Variants in FRMD5 observed in about 807,000 individuals in gnomAD.
The protein encoded by FRMD5 is FERM domain-containing protein 5.
In FRMD5, 20 loss-of-function variants were observed where a neutral mutation model predicts 69.0. The ratio of observed to expected loss-of-function variants is 0.29; its 90% CI spans 0.20 to 0.42. The LOEUF (loss-of-function observed/expected upper bound fraction) is 0.42. Ranked by LOEUF, FRMD5 falls within the 10% of genes least tolerant of loss-of-function variation. The pLI, the probability that FRMD5 is intolerant of heterozygous loss-of-function variation, is 1.00. For synonymous variants in FRMD5, 271 were observed against 260.1 expected (o/e 1.04, Z -0.40); for missense variants, 595 against 708.6 (o/e 0.84, Z 1.82).
chr15:43,982,314 G>A (rs2090560688), intron 1 of FRMD5, among the ~76,000 whole-genome samples: 2 of 152,338 alleles, frequency 1.3e-5, no homozygotes, highest in Admixed American at 1.3e-4. Flanking sequence ...TTAAAAGGCA[G>A]TCCTTTACTA....
intron 1 of FRMD5, among the ~76,000 whole-genome samples, chr15:43,997,482 C>T (rs1194745002): frequency 6.6e-6 from 1 of 152,168 alleles, no homozygotes; most frequent in Non-Finnish European, 1.5e-5. Context: ...CATCTCATTC[C>T]CTTCAGGGTG....
upstream of FRMD5, among the ~76,000 whole-genome samples, chr15:44,195,862 T>A (rs2078286770): frequency 6.6e-6 from 1 of 151,200 alleles, no homozygotes; most frequent in Non-Finnish European, 1.5e-5. Flanking sequence ...CCAGGTTTAA[T>A]CCCCTAAAAA....
intron 1 of FRMD5, among the ~76,000 whole-genome samples, chr15:44,046,177 T>C (rs1277011739): frequency 6.6e-6 from 1 of 152,154 alleles, no homozygotes; most frequent in African/African-American, 2.4e-5. Context: ...GATGGAGTGA[T>C]GTCGTAGTCT....
At chr15:43,951,421 C>CAA (rs11375060) in intron 1 of FRMD5, among the ~76,000 whole-genome samples, 42 of 102,656 alleles carry the variant, frequency 4.1e-4, no homozygotes, top group African/African-American at 9.8e-4. Context: ...GACTCCATCT[C>CAA]AAAAAAAAAA....
At chr15:44,030,620 TCCCTAGTTAAA>T (rs1186056850) in intron 1 of FRMD5, among the ~76,000 whole-genome samples, 3 of 152,132 alleles carry the variant, frequency 2.0e-5, no homozygotes, top group African/African-American at 7.2e-5. Context: ...TTTCTGAGTC[TCCCTAGTTAAA>T]CACTATAATC....
At chr15:44,000,572 G>T (rs1488185401) in intron 1 of FRMD5, among the ~76,000 whole-genome samples, 3 of 151,222 alleles carry the variant, frequency 2.0e-5, no homozygotes, top group Non-Finnish European at 4.4e-5. Context: ...CGATTCTCAT[G>T]CTTCAGCCTC....
intron 1 of FRMD5, among the ~76,000 whole-genome samples, chr15:44,032,452 T>C (rs1017113145): frequency 6.6e-6 from 1 of 152,136 alleles, no homozygotes; most frequent in Non-Finnish European, 1.5e-5. Flanking sequence ...TTTCAAACTA[T>C]GCATCTGACA....
intron 1 of FRMD5, among the ~76,000 whole-genome samples, chr15:44,050,792 G>C (rs1892629712): frequency 6.6e-6 from 1 of 151,456 alleles, no homozygotes; most frequent in Non-Finnish European, 1.5e-5. Flanking sequence ...CTGGTAGCTG[G>C]GATTACAGGT....
intron 6 of FRMD5, among the ~76,000 whole-genome samples, chr15:43,904,697 C>A (rs1037017642): frequency 1.3e-5 from 2 of 151,938 alleles, no homozygotes; most frequent in Non-Finnish European, 2.9e-5. Flanking sequence ...ATTCTATATC[C>A]TTTTTCCTCA....
chr15:43,971,831 C>T lies in FRMD5; in HGVS notation c.103-47522G>A, dbSNP rs113827440. Among the ~76,000 whole-genome samples the T allele has an allele frequency of 2.4e-3, 352 of 149,256 alleles. 2 individuals carry two copies. The highest frequency in any genetic ancestry group is 8.3e-3 in the African/African-American group (343 of 41,140). ...AAGCGATTCTCCTGCCTCAGCCTCC[C>T]GAGTAGCTGGGATTACAGGCGCCCG... On this transcript the variant is annotated intron_variant, in intron 1 of 13. Transcript: ENST00000417257.
At chr15:44,183,777 T>G (rs2078052011) in intron 1 of FRMD5, among the ~76,000 whole-genome samples, 1 of 151,904 alleles carries the variant, frequency 6.6e-6, no homozygotes, top group Non-Finnish European at 1.5e-5. Flanking sequence ...AGGTCAGGAG[T>G]TCGAGATCAG....
Position 44,159,216 on chromosome 15 carries a change from C to T in FRMD5, c.102+35737G>A, listed in dbSNP as rs185550813. 3.3e-5 allele frequency among the ~76,000 whole-genome samples: 5 copies of T among 152,208 alleles called. No homozygotes were observed. The East Asian group carries it at 5.8e-4, about 18-fold the overall frequency. ...GTGTACCTAATGTCACTGAATTATA[C>T]ACTTAAAATGATAAATTTTATGTGT... On this transcript the variant is annotated intron_variant, in intron 1 of 13. Coordinates refer to ENST00000417257, the MANE Select transcript of FRMD5 (RefSeq NM_032892.5).
chr15:43,882,417 G>A (rs979121704), intron 13 of FRMD5, among the ~76,000 whole-genome samples: 1 of 152,018 alleles, frequency 6.6e-6, no homozygotes, highest in Non-Finnish European at 1.5e-5. Flanking sequence ...GGAGTGCAGT[G>A]GCACGATCTC....
intron 1 of FRMD5, among the ~76,000 whole-genome samples, chr15:44,163,135 C>T (rs1371901050): frequency 6.6e-6 from 1 of 152,174 alleles, no homozygotes; most frequent in Non-Finnish European, 1.5e-5. Flanking sequence ...GATTGCGCCA[C>T]TGCACTCCAG....
intron 1 of FRMD5, among the ~76,000 whole-genome samples, chr15:44,038,031 T>C (rs1892001592): frequency 6.6e-6 from 1 of 152,260 alleles, no homozygotes; most frequent in Non-Finnish European, 1.5e-5. Flanking sequence ...GGTTTTGATT[T>C]GCATTTCTCT....
rs547923316 is a variant in FRMD5 at position 43,878,664 on chromosome 15, C to G, written c.1136-4202G>C. Among the ~76,000 whole-genome samples, 42 of 152,326 alleles carry G rather than the reference C, an allele frequency of 2.8e-4. 1 individual carries two copies. The highest frequency in any genetic ancestry group is 2.6e-3 in the Admixed American group (40 of 15,302). On this transcript the variant is annotated intron_variant, in intron 13 of 13. Transcript: ENST00000417257. The stretch of plus-strand genomic sequence containing the variant: ...CTTGGCTCCTTTCCCAGGCAGTCCT[C>G]AGCCCCATTGCATAGGGCGCCTGCC...
In FRMD5 at chr15:43,904,697, C is replaced by G. The variant is rs1037017642; in HGVS notation, c.551+1131G>C. 2.0e-5 allele frequency among the ~76,000 whole-genome samples: 3 copies of G among 152,056 alleles called. No homozygotes were observed. The South Asian group carries it at 6.2e-4, about 32-fold the overall frequency. On this transcript the variant is annotated intron_variant, in intron 6 of 13. Coordinates refer to ENST00000417257, the MANE Select transcript of FRMD5 (RefSeq NM_032892.5). ...CTTGGCCAACACTGCATTCTATATC[C>G]TTTTTCCTCATAGTTTGTCAGTTTG...
At chr15:44,006,581 T>C (rs1890460612) in intron 1 of FRMD5, among the ~76,000 whole-genome samples, 1 of 152,214 alleles carries the variant, frequency 6.6e-6, no homozygotes. Context: ...CTAGATGCCA[T>C]TAAGAACATC....
intron 13 of FRMD5, among the ~76,000 whole-genome samples, chr15:43,878,870 C>A (rs2088438920): frequency 6.6e-6 from 1 of 150,834 alleles, no homozygotes; most frequent in Admixed American, 6.6e-5. Context: ...ATACTGGGAG[C>A]TGTTGGTGCT....
Sources: allele counts gnomAD v4.1 joint callset (sites outside exome capture counted in the v4.1 genomes callset), GRCh38; gene constraint gnomAD v4.1.1; transcripts MANE v1.5; gene names NCBI Gene and HGNC (gene_info 2026-07-23, HGNC 2026-07-21).